SDK2: variants seen among roughly 807,000 people sequenced by gnomAD.
The protein encoded by SDK2 is sidekick cell adhesion molecule 2, also known as protein sidekick-2.
SDK2 carries 105 observed loss-of-function variants against 253.9 expected under a neutral mutation model. The ratio of observed to expected loss-of-function variants is 0.41; its 90% CI spans 0.35 to 0.49. The LOEUF is 0.49. SDK2 is among the 20% of genes least tolerant of loss of function. The pLI, the probability that SDK2 is intolerant of heterozygous loss-of-function variation, is 0.06. For synonymous variants in SDK2, 1,249 were observed against 1,234.9 expected (o/e 1.01, Z -0.24); for missense variants, 2,608 against 3,003.0 (o/e 0.87, Z 3.07).
chr17:73,357,578 C>T (rs959209269), intron 40 of SDK2: 27 of 259,582 alleles, frequency 1.0e-4, no homozygotes, highest in South Asian at 6.7e-4. Flanking sequence ...AGCAGCCCCC[C>T]GACTGACTTA....
chr17:73,603,765 C>G (rs1012395017), intron 1 of SDK2, among the ~76,000 whole-genome samples: 4 of 152,244 alleles, frequency 2.6e-5, no homozygotes, highest in Non-Finnish European at 5.9e-5. Flanking sequence ...AGGGGTCACA[C>G]AGCTTGTGGG....
chr17:73,484,437 C>T (rs1330349273), intron 2 of SDK2, among the ~76,000 whole-genome samples: 1 of 152,190 alleles, frequency 6.6e-6, no homozygotes, highest in Non-Finnish European at 1.5e-5. Context: ...CCTAATAAGA[C>T]CTGCTGAATG....
At chr17:73,340,734 G>GTTTTTTTTTTTTTTTTTTTT (rs10638504) in intron 44 of SDK2, among the ~76,000 whole-genome samples, 1 of 77,550 alleles carries the variant, frequency 1.3e-5, no homozygotes, top group Non-Finnish European at 2.2e-5. Flanking sequence ...AAACCTTAAA[G>GTTTTTTTTTTTTTTTTTTTT]TTTTTTTTTT....
At chr17:73,433,990 G>T in intron 9 of SDK2, 142 bp from the exon 10 acceptor site, 1 of 616,656 alleles carries the variant, frequency 1.6e-6, no homozygotes, top group Admixed American at 3.1e-5. Flanking sequence ...GAGGAAGGAT[G>T]TAGGCATCTT....
intron 2 of SDK2, among the ~76,000 whole-genome samples, chr17:73,486,634 G>T (rs866899505): frequency 7.7e-6 from 1 of 129,414 alleles, no homozygotes; most frequent in African/African-American, 2.9e-5. Flanking sequence ...AAAAAAAAAA[G>T]AGGCAGAAAG....
chr17:73,550,564 C>T (rs1401893438), intron 1 of SDK2, among the ~76,000 whole-genome samples: 1 of 152,032 alleles, frequency 6.6e-6, no homozygotes, highest in Non-Finnish European at 1.5e-5. Flanking sequence ...AAGGAAGCCA[C>T]AGAGCTTTTG....
chr17:73,589,090 CAAGA>C (rs2045646114), intron 1 of SDK2, among the ~76,000 whole-genome samples: 1 of 152,264 alleles, frequency 6.6e-6, no homozygotes, highest in Non-Finnish European at 1.5e-5. Flanking sequence ...TCTGTTCGAG[CAAGA>C]AAGACAAACT....
chr17:73,336,201 G>A lies in SDK2; in HGVS notation c.*2386C>T, dbSNP rs1212776568. The stretch of plus-strand genomic sequence containing the variant: ...TTAAAAAAAAAAAAAAAAAAAAGAT[G>A]AGAGGAAAGAAAAGAAAGCTGTGCG... On this transcript the variant is annotated 3_prime_UTR_variant, in exon 45 of 45. Transcript: ENST00000392650. 6.6e-6 allele frequency: 1 copy of A among 150,684 alleles called. No individual in the cohort carries two copies. The allele number at this position is 150,684 out of a possible 1,614,324, so 9.3% of individuals were successfully genotyped here.
rs550384816 is a variant in SDK2, at chr17:73,630,540, G to A, written c.64+13485C>T. On this transcript the variant is annotated intron_variant, in intron 1 of 44. Coordinates refer to ENST00000392650, the MANE Select transcript of SDK2 (RefSeq NM_001144952.2). ...GGGCCTAAGTGTCGTCCCTCTCTCT[G>A]CCAGCATCTAGGAGGCATGGCTGTG... Among the ~76,000 whole-genome samples the A allele has an allele frequency of 6.7e-4, 99 of 148,650 alleles. 3 individuals carry two copies. In the South Asian group the frequency reaches 0.02, roughly 30 times the overall value.
At chr17:73,423,811 C>A in intron 13 of SDK2, 105 bp downstream of exon 13, 1 of 962,494 alleles carries the variant, frequency 1.0e-6, no homozygotes, top group South Asian at 1.6e-5. Flanking sequence ...CAGTTCAGGT[C>A]ACACGTGGCC....
intron 1 of SDK2, among the ~76,000 whole-genome samples, chr17:73,633,809 T>G: frequency 6.7e-6 from 1 of 149,402 alleles, no homozygotes; most frequent in East Asian, 2.0e-4. Context: ...GGAGGAGGAG[T>G]CCCAGCTGGA....
chr17:73,502,079 GCACATA>G (rs1171107688), intron 2 of SDK2, among the ~76,000 whole-genome samples: 4,076 of 147,478 alleles, frequency 0.028, 166 homozygotes, highest in African/African-American at 0.098. Context: ...TTTGTGTAGT[GCACATA>G]CACACACACA....
At chr17:73,474,869 A>G (rs184698094) in intron 2 of SDK2, among the ~76,000 whole-genome samples, 322 of 152,376 alleles carry the variant, frequency 2.1e-3, no homozygotes, top group Middle Eastern at 0.017. Context: ...AGAGGAAAAG[A>G]AATAGAAATG....
intron 1 of SDK2, among the ~76,000 whole-genome samples, chr17:73,635,068 C>A (rs1178318017): frequency 1.3e-5 from 2 of 152,026 alleles, no homozygotes; most frequent in Non-Finnish European, 2.9e-5. Context: ...TCACAGCAAC[C>A]TTCGCCTCCC....
At chr17:73,426,047 T>A (rs1345002447) in intron 12 of SDK2, among the ~76,000 whole-genome samples, 1 of 151,618 alleles carries the variant, frequency 6.6e-6, no homozygotes, top group African/African-American at 2.4e-5. Flanking sequence ...TTTTATATTT[T>A]ATTTTATTTT....
intron 36 of SDK2, among the ~76,000 whole-genome samples, chr17:73,377,538 A>G (rs2062792894): frequency 6.7e-6 from 1 of 148,326 alleles, no homozygotes; most frequent in Non-Finnish European, 1.5e-5. Flanking sequence ...TTTTAAATCT[A>G]CTTCCCCTAG....
chr17:73,476,264 C>T (rs1196037177), intron 2 of SDK2, among the ~76,000 whole-genome samples: 4 of 152,122 alleles, frequency 2.6e-5, no homozygotes, highest in Middle Eastern at 3.2e-3. Context: ...TATACAAATA[C>T]ACAAGCACAA....
At chr17:73,394,121 C>T in intron 26 of SDK2, 88 bp downstream of exon 26, 1 of 772,168 alleles carries the variant, frequency 1.3e-6, no homozygotes, top group East Asian at 2.9e-5. Context: ...AGGCAGAGAC[C>T]TAGAGGGTGA....
intron 1 of SDK2, among the ~76,000 whole-genome samples, chr17:73,600,847 C>T (rs1350629919): frequency 6.6e-6 from 1 of 152,140 alleles, no homozygotes; most frequent in Non-Finnish European, 1.5e-5. Flanking sequence ...TCCAGAGCTG[C>T]TCACTCCTCT....
Sources: allele counts gnomAD v4.1 joint callset (sites outside exome capture counted in the v4.1 genomes callset), GRCh38; gene constraint gnomAD v4.1.1; transcripts MANE v1.5; gene names NCBI Gene and HGNC (gene_info 2026-07-23, HGNC 2026-07-21).